CDK14: variants seen among roughly 807,000 people sequenced by gnomAD.
The protein encoded by CDK14 is cyclin dependent kinase 14.
Under a neutral mutation model 60.7 loss-of-function variants are expected in CDK14, and 34 were observed. The ratio of observed to expected loss-of-function variants is 0.56; its 90% CI spans 0.43 to 0.75. CDK14 has a LOEUF of 0.75. CDK14 is among the 30% of genes least tolerant of loss of function. The probability of loss-of-function intolerance (pLI) is 0.00; values close to 1 mark genes in which losing one functional copy is unlikely to be tolerated. For synonymous variants in CDK14, 197 were observed against 203.7 expected (o/e 0.97, Z 0.28); for missense variants, 482 against 564.1 (o/e 0.85, Z 1.47).
intron 2 of CDK14, among the ~76,000 whole-genome samples, chr7:90,660,740 T>C (rs1464244411): frequency 6.6e-6 from 1 of 152,226 alleles, no homozygotes; most frequent in Admixed American, 6.5e-5. Context: ...TTGAATCTCT[T>C]CAAATGGTGG....
intron 5 of CDK14, among the ~76,000 whole-genome samples, chr7:90,801,011 A>C (rs907125449): frequency 6.6e-6 from 1 of 152,210 alleles, no homozygotes; most frequent in African/African-American, 2.4e-5. Flanking sequence ...AGCCCACGCT[A>C]ATCCAGCATG....
At chr7:90,654,519 T>G (rs1339035081) in intron 2 of CDK14, among the ~76,000 whole-genome samples, 3 of 152,208 alleles carry the variant, frequency 2.0e-5, no homozygotes, top group Non-Finnish European at 4.4e-5. Flanking sequence ...ACTGAAACTT[T>G]GCTTTTTAGA....
intron 2 of CDK14, among the ~76,000 whole-genome samples, chr7:90,723,796 A>G (rs1802539361): frequency 6.6e-6 from 1 of 152,154 alleles, no homozygotes; most frequent in South Asian, 2.1e-4. Flanking sequence ...TGACATTGTC[A>G]TGGTTTACTA....
At chr7:91,186,077 G>A in intron 14 of CDK14, among the ~76,000 whole-genome samples, 1 of 150,202 alleles carries the variant, frequency 6.7e-6, no homozygotes, top group African/African-American at 2.5e-5. Flanking sequence ...GCATGTGTCA[G>A]CACTGTCTGC....
At chr7:91,089,803 T>A (rs1798749652) in intron 12 of CDK14, among the ~76,000 whole-genome samples, 2 of 152,214 alleles carry the variant, frequency 1.3e-5, no homozygotes, top group African/African-American at 4.8e-5. Flanking sequence ...CCAGGCTCCA[T>A]GCCTTTGCCA....
intron 14 of CDK14, among the ~76,000 whole-genome samples, chr7:91,131,397 G>T (rs1800113415): frequency 6.6e-6 from 1 of 152,116 alleles, no homozygotes; most frequent in Non-Finnish European, 1.5e-5. Context: ...CATTAACACA[G>T]ATAAGGTTTT....
intron 2 of CDK14, among the ~76,000 whole-genome samples, chr7:90,640,014 C>T (rs1004438131): frequency 6.6e-6 from 1 of 152,256 alleles, no homozygotes; most frequent in East Asian, 2.0e-4. Context: ...TTTCCACGTG[C>T]TGTCTGTCAC....
At chr7:91,110,676 A>C (rs1171012639) in intron 12 of CDK14, among the ~76,000 whole-genome samples, 1 of 152,192 alleles carries the variant, frequency 6.6e-6, no homozygotes. Context: ...GCGATTAATA[A>C]TATTCCTTTT....
At chr7:90,934,289 G>T (rs1404817471) in intron 8 of CDK14, among the ~76,000 whole-genome samples, 1 of 152,266 alleles carries the variant, frequency 6.6e-6, no homozygotes, top group East Asian at 1.9e-4. Flanking sequence ...AGAGCCCTGA[G>T]CCAGGTGCCA....
intron 4 of CDK14, 123 bp downstream of exon 4, chr7:90,747,898 C>CTTT (rs11290265): frequency 6.1e-5 from 11 of 179,478 alleles, no homozygotes; most frequent in South Asian, 2.1e-4. Context: ...TCACGGTATC[C>CTTT]TTTTTTTTTT....
intron 2 of CDK14, among the ~76,000 whole-genome samples, chr7:90,717,835 T>C (rs1284742583): frequency 2.6e-5 from 4 of 151,860 alleles, no homozygotes; most frequent in Non-Finnish European, 4.4e-5. Flanking sequence ...TTGGGAACAC[T>C]AAAGAAATAG....
chr7:90,726,933 G>A, intron 3 of CDK14, 121 bp downstream of exon 3: 1 of 1,216,182 alleles, frequency 8.2e-7, no homozygotes, highest in Non-Finnish European at 1.1e-6. Context: ...TTCTCTCCCA[G>A]GGTGGTTGAA....
chr7:90,898,666 A>T (rs1235023661), intron 6 of CDK14, among the ~76,000 whole-genome samples: 1 of 152,110 alleles, frequency 6.6e-6, no homozygotes, highest in African/African-American at 2.4e-5. Context: ...GAGCTTGCAT[A>T]TTTAAAAGAA....
Position 90,726,697 on chromosome 7 carries a change from A to T in CDK14, c.254A>T (p.Lys85Ile). Residue 85 changes from lysine to isoleucine, a missense_variant, in exon 3 of 15, where the codon AAA becomes ATA. Lys to Ile is a moderately radical substitution (Grantham distance 102). Transcript: ENST00000380050. ...RTQSTFDPFE[K>I]PANQVKRVHS... ...CAGAGCACTTTTGACCCATTTGAGA[A>T]ACCAGCTAATCAAGTAAAGAGGGTG... 4 of 1,613,906 alleles carry T rather than the reference A, an allele frequency of 2.5e-6. No individual in the cohort carries two copies. Among genetic ancestry groups the T allele is most frequent in the Non-Finnish European group, 3.4e-6 (4 of 1,179,830 alleles).
intron 3 of CDK14, among the ~76,000 whole-genome samples, chr7:90,730,045 C>T (rs939741324): frequency 3.3e-5 from 5 of 152,046 alleles, no homozygotes; most frequent in African/African-American, 1.2e-4. Context: ...ATGATGTTCC[C>T]CTCCCTGTGT....
At chr7:91,085,701 G>A (rs898527549) in intron 12 of CDK14, among the ~76,000 whole-genome samples, 8 of 152,184 alleles carry the variant, frequency 5.3e-5, no homozygotes, top group African/African-American at 1.2e-4. Flanking sequence ...GTCAGACACC[G>A]TCTATTTTGC....
At chr7:90,998,539 A>C (rs1170287568) in intron 10 of CDK14, among the ~76,000 whole-genome samples, 1 of 152,154 alleles carries the variant, frequency 6.6e-6, no homozygotes. Flanking sequence ...TGGGGTAGAG[A>C]GGTATCTTAG....
intron 2 of CDK14, among the ~76,000 whole-genome samples, chr7:90,693,920 T>A (rs1378717389): frequency 3.9e-5 from 6 of 152,216 alleles, no homozygotes. Flanking sequence ...ATAAAGAGGC[T>A]AGTGTAAGAA....
chr7:90,831,194 G>A (rs1789900001), intron 5 of CDK14, among the ~76,000 whole-genome samples: 1 of 152,096 alleles, frequency 6.6e-6, no homozygotes, highest in Non-Finnish European at 1.5e-5. Flanking sequence ...CCTGAGACTT[G>A]GTAATTTATA....
Sources: gnomAD v4.1 joint callset for allele counts (sites outside exome capture counted in the v4.1 genomes callset) on GRCh38, gnomAD v4.1.1 for gene constraint, MANE v1.5 for transcripts, NCBI Gene and HGNC (gene_info 2026-07-23, HGNC 2026-07-21) for gene names.